The following TMCO5A variants were observed in gnomAD, a reference collection of about 807,000 sequenced individuals.
The protein encoded by TMCO5A is transmembrane and coiled-coil domains 5A.
In TMCO5A, 34 loss-of-function variants were observed where a neutral mutation model predicts 42.3. The observed-to-expected ratio is 0.80, with a 90% CI of 0.61 to 1.07. The LOEUF is 1.07. Among genes scored for constraint, TMCO5A ranks in the 50% least tolerant of loss-of-function variants. The pLI is 0.00. For missense variants in TMCO5A, 357 were observed against 327.9 expected (o/e 1.09, Z -0.69); for synonymous variants, 131 against 115.6 (o/e 1.13, Z -0.86).
At chr15:37,958,526 A>C (rs1200210808) in intron 11 of TMCO5A, among the ~76,000 whole-genome samples, 5 of 152,200 alleles carry the variant, frequency 3.3e-5, no homozygotes, top group African/African-American at 1.2e-4. Context: ...AATGCAAATC[A>C]AAACCACAAT....
At chr15:37,987,595 A>G in the TMCO5A span, among the ~76,000 whole-genome samples, 167 of 152,074 alleles carry the variant, frequency 1.1e-3, no homozygotes, top group Admixed American at 2.2e-3. Flanking sequence ...CATACAGTTT[A>G]CCCAGGACTG....
chr15:38,039,167 A>T, the TMCO5A span, among the ~76,000 whole-genome samples: 1 of 152,236 alleles, frequency 6.6e-6, no homozygotes, highest in Non-Finnish European at 1.5e-5. Context: ...CTATAAGTTA[A>T]AATTCTGAGT....
chr15:37,936,542 G>T lies in TMCO5A; in HGVS notation c.140+79G>T, dbSNP rs538666337. 6 of 1,514,764 alleles carry T rather than the reference G, an allele frequency of 4.0e-6. No homozygotes were observed. In the African/African-American group the frequency reaches 7.0e-5, roughly 18 times the overall value. 93.8% of individuals were successfully genotyped at this position (1,514,764 alleles called of 1,614,324 possible). ...ACCAAAACCAAAACTGAATTTTCCT[G>T]CTTGTTCTAGAGACTTCTACCTTGT... On this transcript the variant is annotated intron_variant, in intron 3 of 11. Coordinates refer to ENST00000319669, the MANE Select transcript of TMCO5A (RefSeq NM_152453.4).
chr15:37,952,886 C>T (rs537239078), downstream of TMCO5A, among the ~76,000 whole-genome samples: 1 of 152,308 alleles, frequency 6.6e-6, no homozygotes, highest in Non-Finnish European at 1.5e-5. Flanking sequence ...ACTGAAGAGC[C>T]TTGGGGCCTT....
chr15:37,980,150 G>A, the TMCO5A span, among the ~76,000 whole-genome samples: 1 of 152,158 alleles, frequency 6.6e-6, no homozygotes, highest in Non-Finnish European at 1.5e-5. Flanking sequence ...CGGTACCGGC[G>A]GCTGCACTAG....
the TMCO5A span, among the ~76,000 whole-genome samples, chr15:37,979,814 A>G: frequency 2.2e-3 from 341 of 152,296 alleles, 2 homozygotes; most frequent in African/African-American, 7.6e-3. Context: ...AGCTGCTACC[A>G]GCACCCCAGG....
chr15:37,991,162 T>C, the TMCO5A span, among the ~76,000 whole-genome samples: 1 of 152,126 alleles, frequency 6.6e-6, no homozygotes, highest in Non-Finnish European at 1.5e-5. Context: ...GCTTTTATAA[T>C]TGCCCAGATA....
chr15:38,029,920 G>C, the TMCO5A span, among the ~76,000 whole-genome samples: 4 of 152,128 alleles, frequency 2.6e-5, no homozygotes, highest in African/African-American at 9.7e-5. Context: ...GTTGCACAAT[G>C]GTTATGGTAA....
chr15:38,021,063 A>C, the TMCO5A span, among the ~76,000 whole-genome samples: 3 of 152,214 alleles, frequency 2.0e-5, no homozygotes, highest in Admixed American at 6.5e-5. Context: ...ATTAGTAAAC[A>C]AAAAACAATG....
intron 11 of TMCO5A, among the ~76,000 whole-genome samples, chr15:37,957,435 T>C (rs1204411258): frequency 2.7e-5 from 2 of 74,580 alleles, no homozygotes; most frequent in East Asian, 8.8e-4. Context: ...CAAGCATTCC[T>C]GTACACCAAT....
chr15:37,955,473 T>A (rs115208570), downstream of TMCO5A, among the ~76,000 whole-genome samples: 2,134 of 151,858 alleles, frequency 0.014, 59 homozygotes, highest in African/African-American at 0.049. Flanking sequence ...CTTTAAACTG[T>A]TACAAATATC....
chr15:37,949,708 TA>T (rs531569662), intron 11 of TMCO5A, among the ~76,000 whole-genome samples: 12,562 of 143,938 alleles, frequency 0.087, 1,705 homozygotes, highest in African/African-American at 0.3. Flanking sequence ...ATGTAAATGC[TA>T]AAAAAAAAAA....
the TMCO5A span, among the ~76,000 whole-genome samples, chr15:38,018,814 T>C: frequency 1.3e-5 from 2 of 151,968 alleles, no homozygotes; most frequent in Admixed American, 6.6e-5. Flanking sequence ...GGATTAAAAT[T>C]AAAATATTTT....
chr15:38,015,687 T>A, the TMCO5A span, among the ~76,000 whole-genome samples: 1 of 152,148 alleles, frequency 6.6e-6, no homozygotes, highest in African/African-American at 2.4e-5. Context: ...ATAAATAAAC[T>A]ATGGTACATC....
downstream of TMCO5A, among the ~76,000 whole-genome samples, chr15:37,970,870 T>G (rs1168281582): frequency 6.6e-6 from 1 of 152,238 alleles, no homozygotes; most frequent in Admixed American, 6.5e-5. Context: ...CCCATAGTCT[T>G]GGGCAGCTCT....
At chr15:38,038,647 C>G in the TMCO5A span, among the ~76,000 whole-genome samples, 1 of 152,130 alleles carries the variant, frequency 6.6e-6, no homozygotes, top group African/African-American at 2.4e-5. Context: ...ACCTCATGAT[C>G]TGCCCACCTC....
the TMCO5A span, among the ~76,000 whole-genome samples, chr15:38,007,872 CTTTTTTTTTTTTTTTTTTTTT>C: frequency 9.3e-4 from 44 of 47,406 alleles, no homozygotes; most frequent in East Asian, 4.5e-3. Context: ...CTCACCCACA[CTTTTTTTTTTTTTTTTTTTTT>C]TTTTTTTTTT....
the TMCO5A span, among the ~76,000 whole-genome samples, chr15:38,015,272 G>A: frequency 6.6e-6 from 1 of 151,966 alleles, no homozygotes; most frequent in Non-Finnish European, 1.5e-5. Flanking sequence ...ACCATCACAG[G>A]AACTTTCCAA....
intron 7 of TMCO5A, 112 bp downstream of exon 7, chr15:37,941,317 C>G: frequency 9.3e-7 from 1 of 1,070,612 alleles, no homozygotes; most frequent in Middle Eastern, 2.0e-4. Flanking sequence ...GATCCAAGAC[C>G]ATGATGGGGC....
Sources: gnomAD v4.1 joint callset for allele counts (sites outside exome capture counted in the v4.1 genomes callset) on GRCh38, gnomAD v4.1.1 for gene constraint, MANE v1.5 for transcripts, NCBI Gene and HGNC (gene_info 2026-07-23, HGNC 2026-07-21) for gene names.